SLC2A12: variants seen among roughly 807,000 people sequenced by gnomAD.
SLC2A12 encodes solute carrier family 2 member 12.
SLC2A12 carries 23 observed loss-of-function variants against 41.8 expected under a neutral mutation model. The ratio of observed to expected loss-of-function variants is 0.55; its 90% CI spans 0.40 to 0.78. The LOEUF (loss-of-function observed/expected upper bound fraction) is 0.78, where lower values mean the gene tolerates loss of function less well. SLC2A12 is among the 30% of genes least tolerant of loss of function. The probability of loss-of-function intolerance (pLI) is 0.00; values close to 1 mark genes in which losing one functional copy is unlikely to be tolerated. For synonymous variants in SLC2A12, 295 were observed against 285.9 expected (o/e 1.03, Z -0.32); for missense variants, 654 against 745.6 (o/e 0.88, Z 1.43).
intron 4 of SLC2A12, among the ~76,000 whole-genome samples, chr6:133,997,450 T>A (rs229907): frequency 3.3e-5 from 5 of 152,166 alleles, no homozygotes; most frequent in African/African-American, 4.8e-5. Flanking sequence ...GTGGTATATA[T>A]ACACCATGGA....
chr6:134,015,798 C>A (rs1169266952), intron 2 of SLC2A12, among the ~76,000 whole-genome samples: 1 of 152,172 alleles, frequency 6.6e-6, no homozygotes, highest in African/African-American at 2.4e-5. Context: ...ATCCTTGGAG[C>A]TGTCATAATC....
At chr6:133,992,600 G>C (rs1360769372) in intron 4 of SLC2A12, among the ~76,000 whole-genome samples, 1 of 152,164 alleles carries the variant, frequency 6.6e-6, no homozygotes, top group Non-Finnish European at 1.5e-5. Context: ...AATAAACTAA[G>C]AGTTGACTTG....
intron 2 of SLC2A12, among the ~76,000 whole-genome samples, chr6:134,021,735 G>C (rs181439864): frequency 6.6e-6 from 1 of 152,168 alleles, no homozygotes; most frequent in Non-Finnish European, 1.5e-5. Flanking sequence ...AAATTTATAC[G>C]TTTGGTAGCC....
chr6:133,989,025 G>A lies in SLC2A12; in HGVS notation c.*2130C>T, dbSNP rs1186437866. On this transcript the variant is annotated 3_prime_UTR_variant, in exon 5 of 5. Coordinates refer to ENST00000275230, the MANE Select transcript of SLC2A12 (RefSeq NM_145176.3). The stretch of plus-strand genomic sequence containing the variant: ...GGGCAGATCAATAGATAATCGAAGT[G>A]CTTTATCTGAAGGGAGAGGGTAAAG... 6.6e-6 allele frequency: 1 copy of A among 152,094 alleles called. No individual in the cohort carries two copies. Among genetic ancestry groups the A allele is most frequent in the Non-Finnish European group, 1.5e-5 (1 of 68,022 alleles). The allele number at this position is 152,094 out of a possible 1,614,324, so 9.4% of individuals were successfully genotyped here. A position where few individuals can be genotyped will look rare whatever the true frequency, so the allele number is the denominator to read the frequency against.
At chr6:133,994,468 C>T (rs1419598597) in intron 4 of SLC2A12, among the ~76,000 whole-genome samples, 3 of 152,192 alleles carry the variant, frequency 2.0e-5, no homozygotes, top group Admixed American at 6.5e-5. Context: ...TGGCTCACGC[C>T]TGTAATCCCA....
intron 2 of SLC2A12, among the ~76,000 whole-genome samples, chr6:134,018,007 A>T (rs1562196215): frequency 6.6e-6 from 1 of 151,588 alleles, no homozygotes; most frequent in African/African-American, 2.4e-5. Flanking sequence ...CTAGGATTGA[A>T]CTATGTTTCT....
intron 4 of SLC2A12, among the ~76,000 whole-genome samples, chr6:133,997,486 G>A (rs1170893570): frequency 6.6e-6 from 1 of 152,110 alleles, no homozygotes; most frequent in East Asian, 1.9e-4. Context: ...CAAAAAGAAC[G>A]AAATCATTTG....
intron 2 of SLC2A12, among the ~76,000 whole-genome samples, chr6:134,008,421 T>G (rs558349241): frequency 6.9e-4 from 105 of 152,330 alleles, no homozygotes; most frequent in Non-Finnish European, 1.2e-3. Context: ...ATAATTATAA[T>G]AAAAAGTAGC....
At chr6:134,024,745 G>C (rs938076377) in intron 2 of SLC2A12, among the ~76,000 whole-genome samples, 1 of 152,154 alleles carries the variant, frequency 6.6e-6, no homozygotes, top group Non-Finnish European at 1.5e-5. Context: ...CATCATGATA[G>C]ACTAGAAACC....
intron 2 of SLC2A12, among the ~76,000 whole-genome samples, chr6:134,014,741 A>G (rs1274508200): frequency 6.6e-6 from 1 of 152,212 alleles, no homozygotes; most frequent in Non-Finnish European, 1.5e-5. Flanking sequence ...TATCATTTTC[A>G]AGGTCATAGA....
At chr6:133,994,718 T>TCAAA (rs574026760) in intron 4 of SLC2A12, among the ~76,000 whole-genome samples, 38 of 152,154 alleles carry the variant, frequency 2.5e-4, no homozygotes, top group African/African-American at 7.9e-4. Flanking sequence ...AGACTCCATC[T>TCAAA]CAAACAAACA....
intron 1 of SLC2A12, among the ~76,000 whole-genome samples, chr6:134,046,578 A>G (rs1375625448): frequency 1.3e-5 from 2 of 152,100 alleles, no homozygotes; most frequent in African/African-American, 2.4e-5. Flanking sequence ...AGGCGGGTGA[A>G]TTGCTTGAGG....
intron 4 of SLC2A12, among the ~76,000 whole-genome samples, chr6:133,995,135 AC>A (rs1193422871): frequency 6.6e-6 from 1 of 152,242 alleles, no homozygotes; most frequent in African/African-American, 2.4e-5. Context: ...CTTTAGAAAA[AC>A]TTGGCTATAC....
At chr6:134,006,176 G>GAAAAAAAAAAAAAAAAAAAAA (rs1182572567) in intron 3 of SLC2A12, among the ~76,000 whole-genome samples, 2 of 61,772 alleles carry the variant, frequency 3.2e-5, no homozygotes, top group African/African-American at 5.7e-5. Context: ...GAGACTATCG[G>GAAAAAAAAAAAAAAAAAAAAA]AAAAAAAAAA....
intron 1 of SLC2A12, among the ~76,000 whole-genome samples, chr6:134,034,575 C>G (rs1278079979): frequency 6.6e-6 from 1 of 152,110 alleles, no homozygotes; most frequent in Non-Finnish European, 1.5e-5. Context: ...GTTGGTTAGC[C>G]ATGACAAGAG....
At position 133,991,223 on chromosome 6, in the gene SLC2A12, C is replaced by T. The variant is rs1776618356; in HGVS notation, c.1786G>A (p.Glu596Lys). 6.2e-7 allele frequency: 1 copy of T among 1,614,006 alleles called. No homozygotes were observed. Among genetic ancestry groups the T allele is most frequent in the Non-Finnish European group, 8.5e-7 (1 of 1,179,990 alleles). The change falls in exon 5 of 5, where the codon GAG becomes AAG. Residue 596 changes from glutamate to lysine, a missense_variant. Glu to Lys is a moderately conservative substitution (Grantham distance 56, BLOSUM62 1). Transcript: ENST00000275230. ...AGCTTGTTACACTCCAAGAGCTGCT[C>T]CTGGGGTTTTCTTTTTTGAGGCTGT... ...PKQPQKRKPQEQLLECNKLCG... is the reference protein window; with the variant it reads ...PKQPQKRKPQKQLLECNKLCG...
Position 134,028,997 on chromosome 6 carries a change from C to A in SLC2A12, c.828G>T (p.Arg276=), listed in dbSNP as rs746886711. The change falls in exon 2 of 5, where the codon CGG becomes CGT. Residue 276 remains arginine, a synonymous_variant. Coordinates refer to ENST00000275230, the MANE Select transcript of SLC2A12 (RefSeq NM_145176.3). ...GTGTTAGTCCTATCATTATTCGGGT[C>A]CGCATGTTGTCTTTTGAACGAAACA... The part of the protein sequence containing the change: ...WDLFRSKDNM[R]TRIMIGLTLV... 8 of 1,614,198 alleles carry A rather than the reference C, an allele frequency of 5.0e-6. No homozygotes were observed. The highest frequency in any genetic ancestry group is 5.1e-6 in the Non-Finnish European group (6 of 1,180,038).
intron 2 of SLC2A12, among the ~76,000 whole-genome samples, chr6:134,021,584 G>T (rs1204835187): frequency 1.3e-5 from 2 of 152,100 alleles, no homozygotes; most frequent in Non-Finnish European, 2.9e-5. Context: ...CATCTGATGT[G>T]CACCTGTACT....
chr6:134,020,177 T>A (rs1052244718), intron 2 of SLC2A12, among the ~76,000 whole-genome samples: 4 of 152,204 alleles, frequency 2.6e-5, no homozygotes, highest in Admixed American at 2.6e-4. Flanking sequence ...ATAGAAACAC[T>A]TTCCTGGCAG....
Sources: gnomAD v4.1 joint callset for allele counts (sites outside exome capture counted in the v4.1 genomes callset) on GRCh38, gnomAD v4.1.1 for gene constraint, MANE v1.5 for transcripts, NCBI Gene and HGNC (gene_info 2026-07-23, HGNC 2026-07-21) for gene names.